Variants in SUPT16H observed in about 807,000 individuals in gnomAD.
SUPT16H encodes the protein FACT complex subunit SPT16.
A neutral mutation model predicts 136.2 loss-of-function variants in SUPT16H; 24 were observed. That is an observed-to-expected ratio of 0.18 (90% CI 0.13 to 0.25). The LOEUF is 0.25. Among genes scored for constraint, SUPT16H ranks in the 10% least tolerant of loss-of-function variants. SUPT16H has a pLI of 1.00. For synonymous variants in SUPT16H, 415 were observed against 428.2 expected, an observed-to-expected ratio of 0.97 and a Z score of 0.38; for missense variants, 623 against 1,270.2, an observed-to-expected ratio of 0.49 and a Z score of 7.74.
At chr14:21,371,807 A>T in intron 3 of SUPT16H, 67 bp downstream of exon 3, 1 of 1,585,712 alleles carries the variant, frequency 6.3e-7, no homozygotes, top group Non-Finnish European at 8.6e-7. Flanking sequence ...AACTCCTATA[A>T]GGCATTTCTG....
intron 1 of SUPT16H, among the ~76,000 whole-genome samples, chr14:21,373,808 ACCTCCGCCTCC>A (rs1566393174): frequency 6.6e-6 from 1 of 151,990 alleles, no homozygotes. Context: ...GCTCACTGCA[ACCTCCGCCTCC>A]TGGGTTCAAG....
intron 1 of SUPT16H, among the ~76,000 whole-genome samples, chr14:21,376,979 A>C (rs1300342505): frequency 2.0e-5 from 3 of 151,422 alleles, no homozygotes; most frequent in Non-Finnish European, 4.4e-5. Flanking sequence ...AGGCTGAGGC[A>C]GGAGAATCTC....
chr14:21,355,008 C>G (rs556236112), intron 22 of SUPT16H: 1 of 153,160 alleles, frequency 6.5e-6, no homozygotes, highest in Non-Finnish European at 1.5e-5. Context: ...CAAGCTTTCT[C>G]CTTCACCTGA....
chr14:21,355,827 A>G (rs569279448), intron 22 of SUPT16H, among the ~76,000 whole-genome samples: 1 of 152,216 alleles, frequency 6.6e-6, no homozygotes, highest in Non-Finnish European at 1.5e-5. Flanking sequence ...AACCACTGGC[A>G]TAAATCCACT....
Position 21,369,733 on chromosome 14 carries a change from C to T in SUPT16H, c.630+17G>A. 1 of 1,613,628 alleles carries T rather than the reference C, an allele frequency of 6.2e-7. No individual in the cohort carries two copies. The highest frequency in any genetic ancestry group is 1.7e-4 in the Middle Eastern group (1 of 5,938). On this transcript the variant is annotated intron_variant, in intron 5 of 25. Transcript: ENST00000216297. ...GCTTCATTAAAACAGTAAAAAGACC[C>T]TCTCATCTCCATTTACCTCATCTGC...
rs1265258254 is a variant in SUPT16H at position 21,357,454 on chromosome 14, C to T, written c.2491-88G>A. 1.4e-5 allele frequency: 18 copies of T among 1,311,046 alleles called. No individual in the cohort carries two copies. The Admixed American group carries it at 2.8e-4, about 20-fold the overall frequency. 81.2% of individuals were successfully genotyped at this position (1,311,046 alleles called of 1,614,324 possible). The stretch of plus-strand genomic sequence containing the variant: ...ATAACTTTCATGATCTAAATCACTA[C>T]ATAAAAGATAACTTAAGCTGTTTTT... On this transcript the variant is annotated intron_variant, in intron 21 of 25. Transcript: ENST00000216297.
intron 15 of SUPT16H, 153 bp from the exon 16 acceptor site, chr14:21,361,366 G>T: frequency 1.1e-6 from 1 of 895,654 alleles, no homozygotes; most frequent in Non-Finnish European, 1.7e-6. Context: ...ACCCAGGCTG[G>T]AGTGCAGTGG....
Position 21,369,341 on chromosome 14 carries a change from G to A in SUPT16H, c.645C>T (p.Ser215=). ...IVDADEKVRH[S]KLAESVEKAI... is the part of the protein sequence containing the mutation. ...CCTTTTCCACAGACTCAGCCAGTTT[G>A]CTGTGTCGAACTTTCTGTAAGAGCA... The change falls in exon 6 of 26, where the codon AGC becomes AGT. Residue 215 remains serine (S), a synonymous_variant. Transcript: ENST00000216297. 6.2e-7 allele frequency: 1 copy of A among 1,614,080 alleles called. No homozygotes were observed. Among genetic ancestry groups the A allele is most frequent in the Non-Finnish European group, 8.5e-7 (1 of 1,179,970 alleles).
rs1886720850 is a variant in SUPT16H, at chr14:21,368,567, G to A, written c.783-126C>T. On this transcript the variant is annotated intron_variant, in intron 6 of 25. Coordinates refer to ENST00000216297, the MANE Select transcript of SUPT16H (RefSeq NM_007192.4). ...TATCCCAAAGCTGTGGCTGAATAAG[G>A]ACCTAAACTTTTTTGTGTTTTGTTT... is the stretch of plus-strand genomic sequence containing the variant. The A allele has an allele frequency of 2.8e-6, 3 of 1,076,530 alleles. No homozygotes were observed. The East Asian group carries it at 8.7e-5, about 31-fold the overall frequency. The allele number at this position is 1,076,530 out of a possible 1,614,324, so 66.7% of individuals were successfully genotyped here.
Position 21,365,054 on chromosome 14 carries a change from T to G in SUPT16H, c.1120+16A>C. 6.2e-7 allele frequency: 1 copy of G among 1,613,134 alleles called. No individual in the cohort carries two copies. The highest frequency in any genetic ancestry group is 1.1e-5 in the South Asian group (1 of 90,978). ...GTAACTCACAAAAGCATTTTCCTAT[T>G]GTATGTGAAACTTACCTTTCTTCAG... On this transcript the variant is annotated intron_variant, in intron 9 of 25. Transcript: ENST00000216297.
intron 20 of SUPT16H, 57 bp from the exon 21 acceptor site, chr14:21,358,059 C>A (rs1203302162): frequency 1.3e-6 from 2 of 1,490,728 alleles, no homozygotes; most frequent in African/African-American, 1.4e-5. Flanking sequence ...GCTCCTACCA[C>A]AACAGACAAA....
intron 10 of SUPT16H, 76 bp downstream of exon 10, chr14:21,364,750 GA>G: frequency 7.6e-7 from 1 of 1,319,030 alleles, no homozygotes; most frequent in East Asian, 2.3e-5. Context: ...AACAAAGCAA[GA>G]AAAAAACCAC....
intron 22 of SUPT16H, among the ~76,000 whole-genome samples, chr14:21,355,321 C>T (rs1886404168): frequency 1.3e-5 from 2 of 151,952 alleles, no homozygotes; most frequent in Non-Finnish European, 2.9e-5. Context: ...GGTGAAACCC[C>T]GTCCTACTAA....
chr14:21,372,129 C>A, intron 2 of SUPT16H, 85 bp from the exon 3 acceptor site: 7 of 1,395,934 alleles, frequency 5.0e-6, no homozygotes, highest in Non-Finnish European at 6.7e-6. Context: ...TACTTATAGA[C>A]AAAAATAACA....
intron 6 of SUPT16H, 72 bp from the exon 7 acceptor site, chr14:21,368,513 G>A (rs1594305330): frequency 5.5e-6 from 8 of 1,442,436 alleles, no homozygotes; most frequent in Non-Finnish European, 6.5e-6. Context: ...ATGGGACACG[G>A]TATCAATAAT....
rs932254008 is a variant in SUPT16H, at chr14:21,359,425, T to C, written c.2301+59A>G. On this transcript the variant is annotated intron_variant, in intron 19 of 25. Transcript: ENST00000216297. ...TGTTTATAAAATACAATCCCTGAGC[T>C]TGGATTTGGCCTCATCCTCCCTCAC... is the stretch of plus-strand genomic sequence containing the variant. The C allele has an allele frequency of 1.2e-5, 19 of 1,589,196 alleles. 1 individual carries two copies. The South Asian group carries it at 2.2e-4, about 18-fold the overall frequency.
chr14:21,360,738 C>T, intron 17 of SUPT16H, 108 bp downstream of exon 17: 4 of 1,483,438 alleles, frequency 2.7e-6, no homozygotes, highest in Non-Finnish European at 3.6e-6. Context: ...CTTTAACCAA[C>T]TGAGCTAACC....
chr14:21,383,223 C>A (rs957176888), intron 1 of SUPT16H: 1 of 178,842 alleles, frequency 5.6e-6, no homozygotes. Context: ...GGATACGCTA[C>A]CAAGGAACTA....
rs1422556670 is a variant in SUPT16H at position 21,368,292 on chromosome 14, T to A, written c.932A>T (p.Glu311Val). 1.2e-6 allele frequency: 2 copies of A among 1,613,194 alleles called. No individual in the cohort carries two copies. The highest frequency in any genetic ancestry group is 1.7e-4 in the Middle Eastern group (1 of 6,038). Residue 311 changes from glutamate to valine, a missense_variant, in exon 7 of 26, where the codon GAG becomes GTG. By Grantham distance (121) the Glu-to-Val change is moderately radical. Coordinates refer to ENST00000216297, the MANE Select transcript of SUPT16H (RefSeq NM_007192.4). Reference protein sequence around the residue: ...NYNFLLQLQEELLKELRHGVK... With the variant: ...NYNFLLQLQEVLLKELRHGVK... ...ACCATGTCTTAATTCCTTCAGCAGC[T>A]CCTCTTGAAGCTGGAGCAAAAAGTT...
Sources: gnomAD v4.1 joint callset for allele counts (sites outside exome capture counted in the v4.1 genomes callset) on GRCh38, gnomAD v4.1.1 for gene constraint, MANE v1.5 for transcripts, NCBI Gene and HGNC (gene_info 2026-07-23, HGNC 2026-07-21) for gene names.